The following ATP6V1H variants were observed in gnomAD, a reference collection of about 807,000 sequenced individuals.
ATP6V1H encodes V-type proton ATPase subunit H.
Under a neutral mutation model 71.7 loss-of-function variants are expected in ATP6V1H, and 39 were observed. The observed-to-expected ratio is 0.54, with a 90% CI of 0.42 to 0.71. The LOEUF (loss-of-function observed/expected upper bound fraction) is 0.71, where lower values mean the gene tolerates loss of function less well. Among genes scored for constraint, ATP6V1H ranks in the 30% least tolerant of loss-of-function variants. ATP6V1H has a pLI of 0.00. For synonymous variants in ATP6V1H, 192 were observed against 199.3 expected, an observed-to-expected ratio of 0.96 and a Z score of 0.31; for missense variants, 509 against 594.9, an observed-to-expected ratio of 0.86 and a Z score of 1.50.
At chr8:53,731,236 C>T (rs1436899746) in intron 13 of ATP6V1H, among the ~76,000 whole-genome samples, 1 of 152,128 alleles carries the variant, frequency 6.6e-6, no homozygotes, top group Non-Finnish European at 1.5e-5. Flanking sequence ...CCCGCCTGTT[C>T]CCAAGCTCCT....
At chr8:53,807,902 T>A (rs1205690529) in intron 7 of ATP6V1H, among the ~76,000 whole-genome samples, 2 of 152,244 alleles carry the variant, frequency 1.3e-5, no homozygotes, top group African/African-American at 4.8e-5. Context: ...CAGAACCACA[T>A]ATGGTTAGGG....
chr8:53,751,672 T>G (rs1807802266), intron 12 of ATP6V1H, among the ~76,000 whole-genome samples: 1 of 142,384 alleles, frequency 7.0e-6, no homozygotes, highest in South Asian at 2.2e-4. Flanking sequence ...AAAGATAATT[T>G]CTTTTTTTTT....
At chr8:53,807,356 T>C (rs1017953958) in intron 7 of ATP6V1H, among the ~76,000 whole-genome samples, 1 of 151,514 alleles carries the variant, frequency 6.6e-6, no homozygotes. Flanking sequence ...TCCCAGCACT[T>C]TGGGAGGCCG....
At chr8:53,782,264 G>GT (rs1809175425) in intron 9 of ATP6V1H, among the ~76,000 whole-genome samples, 1 of 151,986 alleles carries the variant, frequency 6.6e-6, no homozygotes, top group Admixed American at 6.5e-5. Context: ...CACATCCCTT[G>GT]TAAGTTAGAT....
chr8:53,797,836 C>CA (rs1563471540), intron 8 of ATP6V1H, among the ~76,000 whole-genome samples: 3 of 151,582 alleles, frequency 2.0e-5, no homozygotes, highest in Admixed American at 6.6e-5. Context: ...CCATCTCTAT[C>CA]AAAAAAACAT....
intron 12 of ATP6V1H, among the ~76,000 whole-genome samples, chr8:53,754,886 T>G (rs1000390410): frequency 1.2e-4 from 19 of 152,234 alleles, no homozygotes. Flanking sequence ...CCTATTTGTC[T>G]ATGCCACCAG....
intron 7 of ATP6V1H, among the ~76,000 whole-genome samples, chr8:53,802,132 A>C (rs1328080989): frequency 6.6e-6 from 1 of 152,236 alleles, no homozygotes; most frequent in Non-Finnish European, 1.5e-5. Context: ...TACTTAACAC[A>C]CAGGGAAATC....
Position 53,776,943 on chromosome 8 carries a change from G to C in ATP6V1H, c.871-4776C>G, listed in dbSNP as rs146227500. ...AAATTTACAAATGAGCTCAAAAGTGGACTGGAGATGACAAAGGAGTCAGTG... is the reference window on the plus strand; with the variant it reads ...AAATTTACAAATGAGCTCAAAAGTGCACTGGAGATGACAAAGGAGTCAGTG... On this transcript the variant is annotated intron_variant, in intron 9 of 13. Transcript: ENST00000359530. 2.2e-3 allele frequency among the ~76,000 whole-genome samples: 338 copies of C among 152,290 alleles called. 2 individuals carry two copies. The highest frequency in any genetic ancestry group is 7.9e-3 in the African/African-American group (327 of 41,570).
At chr8:53,812,320 TAA>T (rs889335835) in intron 6 of ATP6V1H, among the ~76,000 whole-genome samples, 4 of 152,162 alleles carry the variant, frequency 2.6e-5, no homozygotes, top group African/African-American at 9.7e-5. Context: ...CACTCTGTGA[TAA>T]AAAAGAGTGC....
chr8:53,738,189 T>C (rs1807293170), intron 13 of ATP6V1H, among the ~76,000 whole-genome samples: 1 of 151,290 alleles, frequency 6.6e-6, no homozygotes, highest in South Asian at 2.1e-4. Context: ...CCCAGCTACT[T>C]GGGAGGCTGA....
At chr8:53,783,007 T>C (rs1252628871) in intron 9 of ATP6V1H, among the ~76,000 whole-genome samples, 1 of 152,226 alleles carries the variant, frequency 6.6e-6, no homozygotes, top group Non-Finnish European at 1.5e-5. Flanking sequence ...AATTCTCTTT[T>C]TTTGTTGTGT....
intron 7 of ATP6V1H, among the ~76,000 whole-genome samples, chr8:53,803,837 T>C (rs1211173888): frequency 2.0e-5 from 3 of 152,156 alleles, no homozygotes; most frequent in Non-Finnish European, 4.4e-5. Context: ...AGGAATCCCA[T>C]CTTTCCTGCT....
intron 13 of ATP6V1H, among the ~76,000 whole-genome samples, chr8:53,742,646 A>G (rs1183970991): frequency 6.6e-6 from 1 of 152,224 alleles, no homozygotes; most frequent in Non-Finnish European, 1.5e-5. Flanking sequence ...AAATGTCATT[A>G]TTTATGATAA....
chr8:53,806,485 A>C (rs1378169955), intron 7 of ATP6V1H, among the ~76,000 whole-genome samples: 2 of 152,152 alleles, frequency 1.3e-5, no homozygotes, highest in African/African-American at 4.8e-5. Context: ...CAAATTTATA[A>C]ATCTTCAAAG....
intron 12 of ATP6V1H, 62 bp from the exon 13 acceptor site, chr8:53,743,752 C>G: frequency 1.7e-6 from 2 of 1,195,222 alleles, no homozygotes; most frequent in Admixed American, 4.2e-5. Flanking sequence ...AGTTTGTAAG[C>G]AGGCAGCTCA....
intron 12 of ATP6V1H, among the ~76,000 whole-genome samples, chr8:53,750,561 T>G (rs1720559354): frequency 6.6e-6 from 1 of 152,194 alleles, no homozygotes; most frequent in African/African-American, 2.4e-5. Flanking sequence ...GAGGGCTTAC[T>G]GTATCTAAAA....
At chr8:53,826,910 C>T (rs535376027) in intron 4 of ATP6V1H, among the ~76,000 whole-genome samples, 2 of 151,402 alleles carry the variant, frequency 1.3e-5, no homozygotes, top group African/African-American at 2.4e-5. Flanking sequence ...GGGGGTTGCA[C>T]CACTGCACTC....
At chr8:53,821,112 T>A (rs1810639257) in intron 4 of ATP6V1H, among the ~76,000 whole-genome samples, 1 of 149,322 alleles carries the variant, frequency 6.7e-6, no homozygotes, top group Admixed American at 6.7e-5. Flanking sequence ...AGCTCACGCC[T>A]GTAATTCCAG....
chr8:53,755,715 TATATATATATATATATATATATATATA>T (rs1563451091), intron 12 of ATP6V1H, among the ~76,000 whole-genome samples: 27 of 6,846 alleles, frequency 3.9e-3, no homozygotes, highest in South Asian at 7.4e-3. Context: ...TATATATATA[TATATATATATATATATATATATATATA>T]TATTTTTTTT....
Sources: allele counts gnomAD v4.1 joint callset (sites outside exome capture counted in the v4.1 genomes callset), GRCh38; gene constraint gnomAD v4.1.1; transcripts MANE v1.5; gene names NCBI Gene and HGNC (gene_info 2026-07-23, HGNC 2026-07-21).